VRK2: variants seen among roughly 807,000 people sequenced by gnomAD.
The protein encoded by VRK2 is serine/threonine-protein kinase VRK2.
A neutral mutation model predicts 57.6 loss-of-function variants in VRK2; 60 were observed. The observed-to-expected ratio is 1.04, with a 90% confidence interval of 0.85 to 1.29. The LOEUF (loss-of-function observed/expected upper bound fraction) is 1.29, where lower values mean the gene tolerates loss of function less well. VRK2 is among the 50% of genes most tolerant of loss of function. The pLI, the probability that VRK2 is intolerant of heterozygous loss-of-function variation, is 0.00. For missense variants in VRK2, 705 were observed against 588.1 expected, an observed-to-expected ratio of 1.20 and a Z score of -2.06; for synonymous variants, 231 against 199.2, an observed-to-expected ratio of 1.16 and a Z score of -1.35.
At chr2:58,092,280 T>G (rs1672489172) in intron 7 of VRK2, among the ~76,000 whole-genome samples, 1 of 152,194 alleles carries the variant, frequency 6.6e-6, no homozygotes, top group South Asian at 2.1e-4. Context: ...TTGTAAGGTA[T>G]GTACTGTTTT....
intron 1 of VRK2, among the ~76,000 whole-genome samples, chr2:57,958,835 T>C (rs1329578070): frequency 1.3e-5 from 2 of 152,178 alleles, no homozygotes; most frequent in African/African-American, 4.8e-5. Flanking sequence ...GTAACACTGA[T>C]ATTTATTACT....
Position 58,073,648 on chromosome 2 carries a change from ATATATTTATATTTATATT to A in VRK2, c.137-10423_137-10406del, listed in dbSNP as rs60045741. Among the ~76,000 whole-genome samples the A allele has an allele frequency of 2.1e-3, 295 of 142,228 alleles. 2 individuals carry two copies. The highest frequency in any genetic ancestry group is 6.1e-3 in the African/African-American group (239 of 38,976). The allele number at this position is 142,228 out of a possible 152,430, so 93.3% of individuals were successfully genotyped here. On this transcript the variant is annotated intron_variant, in intron 2 of 12. Transcript: ENST00000340157. The stretch of plus-strand genomic sequence containing the variant: ...AGAACTAATAGGATTATATATATAT[ATATATTTATATTTATATT>A]TATATTTATATTTATATAAAAGGGA...
chr2:57,998,380 C>T (rs2103618290), intron 1 of VRK2, among the ~76,000 whole-genome samples: 1 of 152,144 alleles, frequency 6.6e-6, no homozygotes. Flanking sequence ...GATTTAGTAG[C>T]AGTTTTTAAA....
At chr2:58,053,863 AGAATT>A (rs574191494) in intron 2 of VRK2, among the ~76,000 whole-genome samples, 68 of 152,312 alleles carry the variant, frequency 4.5e-4, no homozygotes, top group African/African-American at 1.5e-3. Context: ...AGTGAAGAGA[AGAATT>A]GAATAAATGT....
intron 2 of VRK2, among the ~76,000 whole-genome samples, chr2:58,082,255 C>A (rs1414310630): frequency 1.3e-5 from 2 of 151,812 alleles, no homozygotes; most frequent in African/African-American, 4.8e-5. Context: ...AGGAGTCAGG[C>A]CTTGGACTGG....
intron 10 of VRK2, among the ~76,000 whole-genome samples, chr2:58,136,964 T>TC (rs1195748096): frequency 9.0e-5 from 12 of 133,290 alleles, no homozygotes; most frequent in East Asian, 6.0e-4. Context: ...TGTGTATATA[T>TC]ATCATATATT....
At chr2:57,931,979 C>T (rs1306617479) in intron 1 of VRK2, among the ~76,000 whole-genome samples, 3 of 151,932 alleles carry the variant, frequency 2.0e-5, no homozygotes, top group African/African-American at 7.2e-5. Context: ...TTGATCTATA[C>T]GTCTGTTTTT....
chr2:58,158,046 A>G (rs1218435208), intron 12 of VRK2, among the ~76,000 whole-genome samples: 4 of 152,220 alleles, frequency 2.6e-5, no homozygotes, highest in African/African-American at 9.6e-5. Context: ...CTGATGTTCA[A>G]GAGAGATTAA....
At chr2:58,093,424 G>T (rs1367725005) in intron 7 of VRK2, among the ~76,000 whole-genome samples, 1 of 152,050 alleles carries the variant, frequency 6.6e-6, no homozygotes, top group African/African-American at 2.4e-5. Context: ...GTGATGATGA[G>T]CATTTTTTCA....
At chr2:58,009,582 C>A (rs1007877451) in intron 1 of VRK2, among the ~76,000 whole-genome samples, 1 of 150,484 alleles carries the variant, frequency 6.6e-6, no homozygotes, top group Admixed American at 6.7e-5. Flanking sequence ...ATGTTCACAC[C>A]TTGCGTTGTA....
At chr2:58,100,067 C>G (rs942455373) in intron 7 of VRK2, among the ~76,000 whole-genome samples, 6 of 151,904 alleles carry the variant, frequency 3.9e-5, no homozygotes, top group African/African-American at 1.5e-4. Context: ...GTTGTAATAC[C>G]TGACCTGTAT....
chr2:58,076,388 A>G (rs759395678), intron 2 of VRK2, among the ~76,000 whole-genome samples: 2 of 152,076 alleles, frequency 1.3e-5, no homozygotes, highest in African/African-American at 4.8e-5. Context: ...ATTTTCTAAT[A>G]AAGTGTTGAG....
At chr2:57,946,153 G>A (rs531459621) in intron 1 of VRK2, among the ~76,000 whole-genome samples, 42 of 152,106 alleles carry the variant, frequency 2.8e-4, no homozygotes, top group African/African-American at 9.1e-4. Flanking sequence ...TCTAGATATA[G>A]TTCTAAAATA....
intron 1 of VRK2, among the ~76,000 whole-genome samples, chr2:57,913,236 G>C (rs571071589): frequency 1.3e-5 from 2 of 152,202 alleles, no homozygotes; most frequent in African/African-American, 4.8e-5. Context: ...TTTATTTCTA[G>C]TTATTTTACA....
At chr2:58,072,471 TATG>T (rs1176961906) in intron 2 of VRK2, among the ~76,000 whole-genome samples, 1 of 151,988 alleles carries the variant, frequency 6.6e-6, no homozygotes, top group East Asian at 1.9e-4. Context: ...TGTGAATTTT[TATG>T]ATGAATTAGA....
intron 9 of VRK2, among the ~76,000 whole-genome samples, chr2:58,132,907 A>G (rs189830995): frequency 6.6e-6 from 1 of 152,314 alleles, no homozygotes; most frequent in Non-Finnish European, 1.5e-5. Flanking sequence ...ATTTATATAA[A>G]TCTATATTAG....
intron 1 of VRK2, among the ~76,000 whole-genome samples, chr2:57,908,816 C>T (rs1007200166): frequency 9.2e-5 from 14 of 152,226 alleles, no homozygotes; most frequent in African/African-American, 3.1e-4. Context: ...GCAGCTAAAA[C>T]GAGTAGACCT....
intron 1 of VRK2, among the ~76,000 whole-genome samples, chr2:57,961,598 A>C: frequency 6.7e-6 from 1 of 150,066 alleles, no homozygotes; most frequent in Non-Finnish European, 1.5e-5. Flanking sequence ...ATTTGTGGTC[A>C]TCTATGCTGT....
chr2:58,040,854 C>T (rs535272828), intron 3 of VRK2, among the ~76,000 whole-genome samples: 28 of 152,302 alleles, frequency 1.8e-4, no homozygotes, highest in Admixed American at 5.2e-4. Context: ...ATAGAAGGTT[C>T]GTTCAAGACC....
Sources: allele counts gnomAD v4.1 joint callset (sites outside exome capture counted in the v4.1 genomes callset), GRCh38; gene constraint gnomAD v4.1.1; transcripts MANE v1.5; gene names NCBI Gene and HGNC (gene_info 2026-07-23, HGNC 2026-07-21).